RARB: variants seen among roughly 807,000 people sequenced by gnomAD.
The protein encoded by RARB is HBV-activated protein.
In RARB, 17 loss-of-function variants were observed where a neutral mutation model predicts 51.9. The ratio of observed to expected loss-of-function variants is 0.33; its 90% confidence interval spans 0.22 to 0.49. The LOEUF is 0.49. Among genes scored for constraint, RARB ranks in the 20% least tolerant of loss-of-function variants. The pLI, the probability that RARB is intolerant of heterozygous loss-of-function variation, is 0.99. For synonymous variants in RARB, 215 were observed against 195.4 expected (o/e 1.10, Z -0.84); for missense variants, 369 against 550.8 (o/e 0.67, Z 3.30).
intron 3 of RARB, among the ~76,000 whole-genome samples, chr3:25,080,110 A>C (rs1698964019): frequency 1.3e-5 from 2 of 152,144 alleles, no homozygotes; most frequent in Non-Finnish European, 2.9e-5. Flanking sequence ...TCTCCCTCAG[A>C]CTTTGCCAGC....
rs959765704 is a variant in RARB at position 25,259,000 on chromosome 3, T to C, written c.178+84425T>C. On this transcript the variant is annotated intron_variant, in intron 5 of 11. Coordinates refer to the RARB transcript ENST00000383772. ...CCTGAGTTTTGCTGGGGACAAACCA[T>C]AGTATATGGTGTCTGAGACTGCTTC... is the stretch of plus-strand genomic sequence containing the variant. 6.1e-6 allele frequency: 6 copies of C among 983,370 alleles called. No individual in the cohort carries two copies. In the African/African-American group the frequency reaches 8.7e-5, roughly 14 times the overall value. 60.9% of individuals were successfully genotyped at this position (983,370 alleles called of 1,614,324 possible).
At chr3:25,554,442 C>G (rs78269843) in intron 3 of RARB, among the ~76,000 whole-genome samples, 1,954 of 152,104 alleles carry the variant, frequency 0.013, 48 homozygotes, top group African/African-American at 0.044. Context: ...GGGACACAGC[C>G]CTGTGCGTTT....
chr3:25,180,068 A>G (rs773353381), intron 5 of RARB, among the ~76,000 whole-genome samples: 6 of 152,172 alleles, frequency 3.9e-5, no homozygotes, highest in South Asian at 2.1e-4. Context: ...ATTAACTACA[A>G]TGCCCAAAGG....
chr3:25,000,992 G>T (rs1697147909), intron 2 of RARB, among the ~76,000 whole-genome samples: 1 of 152,040 alleles, frequency 6.6e-6, no homozygotes, highest in Non-Finnish European at 1.5e-5. Flanking sequence ...AGCAGAATTT[G>T]AAAGAGAGGC....
At chr3:24,952,071 C>A (rs1695905453) in intron 2 of RARB, among the ~76,000 whole-genome samples, 2 of 151,342 alleles carry the variant, frequency 1.3e-5, no homozygotes, top group African/African-American at 4.9e-5. Flanking sequence ...CATAACTTTT[C>A]TTTTTTTGAA....
At chr3:25,167,776 A>ATT (rs1432493988) in intron 4 of RARB, among the ~76,000 whole-genome samples, 2 of 152,226 alleles carry the variant, frequency 1.3e-5, no homozygotes, top group Non-Finnish European at 2.9e-5. Flanking sequence ...CTGGAGGAAG[A>ATT]TGTGAAAGGC....
At chr3:25,161,456 G>C in intron 4 of RARB, among the ~76,000 whole-genome samples, 1 of 152,172 alleles carries the variant, frequency 6.6e-6, no homozygotes, top group East Asian at 1.9e-4. Flanking sequence ...CCATTCTGCT[G>C]TCTACCATTG....
intron 2 of RARB, among the ~76,000 whole-genome samples, chr3:24,963,140 A>G (rs1696177757): frequency 1.3e-5 from 2 of 152,038 alleles, no homozygotes; most frequent in South Asian, 4.2e-4. Context: ...CAATTTTTAA[A>G]CTGATTTGGT....
At chr3:25,567,849 G>A (rs888854917) in intron 3 of RARB, among the ~76,000 whole-genome samples, 1 of 152,108 alleles carries the variant, frequency 6.6e-6, no homozygotes, top group Non-Finnish European at 1.5e-5. Context: ...GAGATCCTGC[G>A]CACTCACACA....
At chr3:25,055,932 C>G (rs541448761) in intron 2 of RARB, among the ~76,000 whole-genome samples, 1 of 152,196 alleles carries the variant, frequency 6.6e-6, no homozygotes, top group African/African-American at 2.4e-5. Flanking sequence ...GTGGGCAGTG[C>G]TCTGACAGCA....
chr3:25,352,611 T>C (rs913083777), intron 5 of RARB, among the ~76,000 whole-genome samples: 9 of 152,228 alleles, frequency 5.9e-5, no homozygotes, highest in Admixed American at 2.6e-4. Context: ...TCACTTTCTG[T>C]TTGCAATTTG....
intron 5 of RARB, among the ~76,000 whole-genome samples, chr3:25,366,175 C>T (rs902404263): frequency 6.6e-6 from 1 of 152,172 alleles, no homozygotes; most frequent in Admixed American, 6.5e-5. Context: ...CTGTTACAGC[C>T]TTGTAATATG....
At chr3:25,346,467 A>C (rs980884564) in intron 5 of RARB, among the ~76,000 whole-genome samples, 6 of 152,184 alleles carry the variant, frequency 3.9e-5, no homozygotes, top group Admixed American at 3.3e-4. Flanking sequence ...GGCTAAACAA[A>C]TTAACATTTT....
intron 5 of RARB, among the ~76,000 whole-genome samples, chr3:25,387,102 G>A (rs1437943131): frequency 6.6e-6 from 1 of 152,184 alleles, no homozygotes; most frequent in Non-Finnish European, 1.5e-5. Flanking sequence ...TCACTCTTGA[G>A]TCATGTGCTC....
chr3:24,889,907 TG>T (rs1293814484), intron 2 of RARB, among the ~76,000 whole-genome samples: 1 of 132,888 alleles, frequency 7.5e-6, no homozygotes, highest in African/African-American at 3.0e-5. Flanking sequence ...AGAGCAGGCA[TG>T]AAAAAAAAAA....
intron 5 of RARB, among the ~76,000 whole-genome samples, chr3:25,183,878 T>C (rs952120078): frequency 1.3e-5 from 2 of 152,156 alleles, no homozygotes; most frequent in African/African-American, 4.8e-5. Context: ...TAATTAGTTG[T>C]ACACACTTTT....
At chr3:25,512,971 A>G (rs1302799359) in intron 3 of RARB, among the ~76,000 whole-genome samples, 3 of 152,096 alleles carry the variant, frequency 2.0e-5, no homozygotes, top group African/African-American at 7.2e-5. Context: ...CTTGTACTTA[A>G]TAGATATTTC....
chr3:25,453,104 A>G (rs1293469301), intron 1 of RARB, among the ~76,000 whole-genome samples: 1 of 152,166 alleles, frequency 6.6e-6, no homozygotes, highest in South Asian at 2.1e-4. Flanking sequence ...GCAAAATGGG[A>G]TTACAGGAAG....
intron 5 of RARB, among the ~76,000 whole-genome samples, chr3:25,370,655 G>T (rs1435000188): frequency 6.6e-6 from 1 of 152,192 alleles, no homozygotes; most frequent in Non-Finnish European, 1.5e-5. Flanking sequence ...TGCAGAACCT[G>T]GGGATGGGTA....
Sources: allele counts gnomAD v4.1 joint callset (sites outside exome capture counted in the v4.1 genomes callset), GRCh38; gene constraint gnomAD v4.1.1; transcripts MANE v1.5; gene names NCBI Gene and HGNC (gene_info 2026-07-23, HGNC 2026-07-21).